The following PARVB variants were observed in gnomAD, a reference collection of about 807,000 sequenced individuals.
The protein encoded by PARVB is parvin beta, also known as beta-parvin.
Under a neutral mutation model 47.0 loss-of-function variants are expected in PARVB, and 46 were observed. The ratio of observed to expected loss-of-function variants is 0.98; its 90% CI spans 0.77 to 1.25. The LOEUF (loss-of-function observed/expected upper bound fraction) is 1.25, where lower values mean the gene tolerates loss of function less well. Among genes scored for constraint, PARVB ranks in the 50% most tolerant of loss-of-function variants. The pLI, the probability that PARVB is intolerant of heterozygous loss-of-function variation, is 0.00. For synonymous variants in PARVB, 196 were observed against 196.3 expected, an observed-to-expected ratio of 1.00 and a Z score of 0.01; for missense variants, 473 against 471.6, an observed-to-expected ratio of 1.00 and a Z score of -0.03.
intron 9 of PARVB, chr22:44,148,280 A>G (rs1239627922): frequency 2.8e-6 from 1 of 354,860 alleles, no homozygotes; most frequent in Non-Finnish European, 5.5e-6. Context: ...CTGCCCAGTA[A>G]ACACGCAGGC....
In PARVB at chr22:44,164,958, C is replaced by T. The variant is rs545694844; in HGVS notation, c.1018+1028C>T. Among the ~76,000 whole-genome samples, 24 of 152,280 alleles carry T rather than the reference C, an allele frequency of 1.6e-4. No homozygotes were observed. The East Asian group carries it at 4.1e-3, about 26-fold the overall frequency. The stretch of plus-strand genomic sequence containing the variant: ...ATCCTCCTCTTGGGGTTTCACAGGA[C>T]AATTTCACACCCTCCTGTCTCGTGT... On this transcript the variant is annotated intron_variant, in intron 12 of 12. Coordinates refer to ENST00000338758, the MANE Select transcript of PARVB (RefSeq NM_013327.5).
chr22:44,161,350 C>G lies in PARVB; in HGVS notation c.946-2508C>G, dbSNP rs577845382. Among the ~76,000 whole-genome samples, 183 of 147,382 alleles carry G rather than the reference C, an allele frequency of 1.2e-3. 1 individual carries two copies. Among genetic ancestry groups the G allele is most frequent in the Non-Finnish European group, 2.3e-3 (152 of 67,232 alleles). On this transcript the variant is annotated intron_variant, in intron 11 of 12. Transcript: ENST00000338758. Reference sequence around the variant, plus strand: ...GGAGGCGGGGAAGGAATCTCACTCTCTCACCCAGGCTGGAGTGCAGTGGCA... The same window carrying G: ...GGAGGCGGGGAAGGAATCTCACTCTGTCACCCAGGCTGGAGTGCAGTGGCA...
intron 1 of PARVB, among the ~76,000 whole-genome samples, chr22:44,088,178 C>G (rs1307299859): frequency 6.6e-6 from 1 of 152,162 alleles, no homozygotes; most frequent in African/African-American, 2.4e-5. Context: ...TGTGCTGCTC[C>G]TTGAATATAT....
At chr22:44,120,002 T>A in intron 4 of PARVB, 1 of 399,762 alleles carries the variant, frequency 2.5e-6, no homozygotes, top group East Asian at 7.2e-5. Flanking sequence ...CCTGGCACTG[T>A]CATGTCTCAT....
At chr22:44,120,214 G>A (rs942711772) in intron 4 of PARVB, among the ~76,000 whole-genome samples, 1 of 152,198 alleles carries the variant, frequency 6.6e-6, no homozygotes, top group African/African-American at 2.4e-5. Flanking sequence ...GATCACAGCT[G>A]GTTCTCACAA....
intron 2 of PARVB, among the ~76,000 whole-genome samples, chr22:44,012,371 T>G (rs1228467288): frequency 6.6e-6 from 1 of 152,234 alleles, no homozygotes; most frequent in African/African-American, 2.4e-5. Flanking sequence ...TGGTGATTCA[T>G]GTTCTGCTCA....
chr22:44,028,761 G>A (rs1450870729), intron 1 of PARVB, among the ~76,000 whole-genome samples: 1 of 152,204 alleles, frequency 6.6e-6, no homozygotes, highest in Non-Finnish European at 1.5e-5. Context: ...GGTGGCGAAC[G>A]AGAGTCCTGG....
At chr22:44,166,662 G>A (rs2054174862) in intron 12 of PARVB, among the ~76,000 whole-genome samples, 1 of 152,224 alleles carries the variant, frequency 6.6e-6, no homozygotes, top group South Asian at 2.1e-4. Flanking sequence ...CAGGGCCTCT[G>A]TCCAGCCCAG....
At chr22:44,148,093 G>C in intron 9 of PARVB, 171 bp downstream of exon 9, 2 of 640,512 alleles carry the variant, frequency 3.1e-6, no homozygotes, top group Non-Finnish European at 5.6e-6. Flanking sequence ...CATAAAATCA[G>C]CGCCTTTTAA....
chr22:44,086,333 C>G (rs149819158), intron 1 of PARVB, among the ~76,000 whole-genome samples: 1 of 152,346 alleles, frequency 6.6e-6, no homozygotes, highest in African/African-American at 2.4e-5. Context: ...TCCCTCTTTT[C>G]CCATGTCCGG....
At chr22:44,132,254 C>T (rs540375084) in intron 5 of PARVB, among the ~76,000 whole-genome samples, 40 of 152,266 alleles carry the variant, frequency 2.6e-4, no homozygotes, top group Non-Finnish European at 3.5e-4. Context: ...GCCTTGCACC[C>T]GGTTTCTTGG....
In PARVB at chr22:44,172,286, C is replaced by T. The variant is rs926161104; in HGVS notation, c.*3608C>T. On this transcript the variant is annotated 3_prime_UTR_variant, in exon 13 of 13. Transcript: ENST00000338758. ...CTGCTGCTGCTCTTGGTTCTTAGTT[C>T]AGAGAAATTCTGGGACCCTTCCTCC... The T allele has an allele frequency of 3.3e-5, 5 of 152,330 alleles. No individual in the cohort carries two copies. Among genetic ancestry groups the T allele is most frequent in the African/African-American group, 1.2e-4 (5 of 41,416 alleles). The allele number at this position is 152,330 out of a possible 1,614,324, so 9.4% of individuals were successfully genotyped here.
intron 7 of PARVB, among the ~76,000 whole-genome samples, chr22:44,138,274 C>T (rs2053481250): frequency 6.6e-6 from 1 of 152,168 alleles, no homozygotes; most frequent in South Asian, 2.1e-4. Flanking sequence ...TGCCTCGGGG[C>T]CCTAAGGGAA....
chr22:44,149,342 T>C (rs892450285), intron 9 of PARVB: 2 of 152,238 alleles, frequency 1.3e-5, no homozygotes, highest in African/African-American at 4.8e-5. Flanking sequence ...TTGATTTGCC[T>C]GGTAGCTTCC....
intron 3 of PARVB, 49 bp downstream of exon 3, chr22:44,100,172 G>C: frequency 6.8e-7 from 1 of 1,467,392 alleles, no homozygotes; most frequent in Non-Finnish European, 9.6e-7. Context: ...GCGAGGACTT[G>C]GCTTTGGGGT....
chr22:44,118,681 C>T lies in PARVB; in HGVS notation c.274-357C>T, dbSNP rs542157394. Among the ~76,000 whole-genome samples the T allele has an allele frequency of 2.6e-5, 4 of 152,304 alleles. No homozygotes were observed. The South Asian group carries it at 6.2e-4, about 24-fold the overall frequency. On this transcript the variant is annotated intron_variant, in intron 3 of 12. Transcript: ENST00000338758. The stretch of plus-strand genomic sequence containing the variant: ...CCTAGTGGCTGCAGAGTTGTGCAGC[C>T]TCTGTCCCTGTGCTAGCTCTGGACC...
At position 44,169,598 on chromosome 22, in the gene PARVB, TCCTCAGG is replaced by T; in HGVS notation, c.*924_*930del. 6.6e-6 allele frequency: 1 copy of T among 150,786 alleles called. No individual in the cohort carries two copies. Among genetic ancestry groups the T allele is most frequent in the Non-Finnish European group, 1.5e-5 (1 of 68,056 alleles). 9.3% of individuals were successfully genotyped at this position (150,786 alleles called of 1,614,324 possible). A position where few individuals can be genotyped will look rare whatever the true frequency, so the allele number is the denominator to read the frequency against. On this transcript the variant is annotated 3_prime_UTR_variant, in exon 13 of 13. Transcript: ENST00000338758. ...GTGGCTCAGACATCAGAGAATTACATCCTCAGGCCTTTCGCCTTGGCTTGTAGATGCC... is the reference window on the plus strand; with the variant it reads ...GTGGCTCAGACATCAGAGAATTACATCCTTTCGCCTTGGCTTGTAGATGCC...
chr22:44,097,306 G>A (rs927229439), intron 2 of PARVB, among the ~76,000 whole-genome samples: 4 of 152,174 alleles, frequency 2.6e-5, no homozygotes, highest in African/African-American at 7.2e-5. Flanking sequence ...GGGAGTATGC[G>A]GGCCCAGGCC....
At chr22:44,083,434 A>T (rs10427937) in intron 1 of PARVB, among the ~76,000 whole-genome samples, 2,278 of 152,086 alleles carry the variant, frequency 0.015, 68 homozygotes, top group African/African-American at 0.052. Flanking sequence ...GTGCAGGGAG[A>T]TGAGCACAGT....
Sources: gnomAD v4.1 joint callset for allele counts (sites outside exome capture counted in the v4.1 genomes callset) on GRCh38, gnomAD v4.1.1 for gene constraint, MANE v1.5 for transcripts, NCBI Gene and HGNC (gene_info 2026-07-23, HGNC 2026-07-21) for gene names.